PMS2: variants seen among roughly 807,000 people sequenced by gnomAD.
PMS2 encodes the protein PMS1 homolog 2, mismatch repair system component, also known as mismatch repair endonuclease PMS2.
In PMS2, 69 loss-of-function variants were observed where a neutral mutation model predicts 90.0. The observed-to-expected ratio is 0.77, with a 90% CI of 0.63 to 0.94. The LOEUF (loss-of-function observed/expected upper bound fraction) is 0.94. Among genes scored for constraint, PMS2 ranks in the 40% least tolerant of loss-of-function variants. PMS2 has a pLI of 0.00. For missense variants in PMS2, 966 were observed against 1,040.2 expected, an observed-to-expected ratio of 0.93 and a Z score of 0.98; for synonymous variants, 332 against 375.1, an observed-to-expected ratio of 0.89 and a Z score of 1.33.
chr7:5,986,718 T>C lies in PMS2; in HGVS notation c.2006+41A>G, dbSNP rs761763586. The C allele has an allele frequency of 2.8e-6, 4 of 1,424,334 alleles. 1 individual carries two copies. In the South Asian group the frequency reaches 5.4e-5, roughly 19 times the overall value. The allele number at this position is 1,424,334 out of a possible 1,614,324, so 88.2% of individuals were successfully genotyped here. ...AAAAAATAAAAAATAAAAATAAAAA[T>C]TTTAGATAAAAAGAGAAAAAGTAAA... On this transcript the variant is annotated intron_variant, in intron 11 of 14. Coordinates refer to ENST00000265849, the MANE Select transcript of PMS2 (RefSeq NM_000535.7).
intron 8 of PMS2, among the ~76,000 whole-genome samples, chr7:5,994,950 A>G (rs1409444162): frequency 6.6e-6 from 1 of 152,150 alleles, no homozygotes; most frequent in Non-Finnish European, 1.5e-5. Context: ...TGAATACTAT[A>G]CCGAAAAACA....
At chr7:6,002,746 C>T (rs1369648413) in intron 4 of PMS2, 110 bp from the exon 5 acceptor site, 10 of 863,220 alleles carry the variant, frequency 1.2e-5, no homozygotes, top group East Asian at 9.6e-5. Context: ...AAAAAGCTGA[C>T]GATCCCTCTG....
chr7:5,984,032 G>T (rs1782590093), intron 11 of PMS2, among the ~76,000 whole-genome samples: 1 of 151,812 alleles, frequency 6.6e-6, no homozygotes, highest in Non-Finnish European at 1.5e-5. Flanking sequence ...CCTACTAAAG[G>T]ACATTTCAGT....
Position 5,999,196 on chromosome 7 carries a change from A to C in PMS2, c.617T>G (p.Leu206Arg). Residue 206 changes from leucine (L) to arginine (R), a missense_variant, in exon 6 of 15, where the codon CTT becomes CGT. Leu to Arg is a moderately radical substitution (Grantham distance 102, BLOSUM62 -2). Around this residue, in one of 2 missense-constraint regions of PMS2, gnomAD observed 871 missense variants for 802.4 expected, o/e 1.09. Coordinates refer to ENST00000265849, the MANE Select transcript of PMS2 (RefSeq NM_000535.7). ...AGIRVSCTNQ[L>R]GQGKRQPVVC... The stretch of plus-strand genomic sequence containing the variant: ...CACAGGCTGTCGTTTTCCTTGTCCA[A>C]GCTGATTGGTGCAACTTACACGGAT... 1 of 1,614,094 alleles carries C rather than the reference A, an allele frequency of 6.2e-7. No individual in the cohort carries two copies. The highest frequency in any genetic ancestry group is 2.2e-5 in the East Asian group (1 of 44,880).
intron 8 of PMS2, among the ~76,000 whole-genome samples, chr7:5,995,149 T>C (rs1784237897): frequency 6.6e-6 from 1 of 152,156 alleles, no homozygotes; most frequent in Non-Finnish European, 1.5e-5. Flanking sequence ...GTGATCCTCC[T>C]GCCTCAGCCT....
chr7:5,991,710 G>A (rs534517193), intron 9 of PMS2, among the ~76,000 whole-genome samples: 18 of 151,902 alleles, frequency 1.2e-4, no homozygotes, highest in South Asian at 6.2e-4. Flanking sequence ...GTGGTGGCAC[G>A]CACCTGTAGT....
At chr7:5,997,171 A>AC (rs1784498005) in intron 7 of PMS2, among the ~76,000 whole-genome samples, 155 bp downstream of exon 7, 2 of 150,772 alleles carry the variant, frequency 1.3e-5, no homozygotes, top group Admixed American at 1.3e-4. Flanking sequence ...CCAAGATAGC[A>AC]CCATTGCACT....
chr7:5,976,966 G>C (rs1188749917), intron 14 of PMS2, among the ~76,000 whole-genome samples: 2 of 125,174 alleles, frequency 1.6e-5, no homozygotes, highest in Non-Finnish European at 3.6e-5. Context: ...GGTACGTCAA[G>C]GCTGCAGTGA....
At chr7:5,987,950 G>C (rs1339630956) in intron 10 of PMS2, among the ~76,000 whole-genome samples, 3 of 150,876 alleles carry the variant, frequency 2.0e-5, no homozygotes. Context: ...CTACTTGGGA[G>C]GCTGAGGCAC....
chr7:5,999,065 C>T (rs1784776859), intron 6 of PMS2, 43 bp downstream of exon 6: 1 of 1,562,484 alleles, frequency 6.4e-7, no homozygotes, highest in South Asian at 1.1e-5. Flanking sequence ...CCGCTATAAT[C>T]ACTAGAGCAA....
At chr7:6,004,459 T>C in intron 2 of PMS2, 1 of 180,666 alleles carries the variant, frequency 5.5e-6, no homozygotes, top group Non-Finnish European at 1.2e-5. Context: ...TTCATGCCTG[T>C]AATTCCAGCA....
intron 11 of PMS2, among the ~76,000 whole-genome samples, chr7:5,985,492 T>C (rs1268198067): frequency 3.3e-5 from 5 of 151,632 alleles, no homozygotes; most frequent in African/African-American, 1.2e-4. Flanking sequence ...GAATGGAAAA[T>C]GCTACTATCC....
chr7:6,008,818 G>A (rs1013865431), intron 1 of PMS2, among the ~76,000 whole-genome samples, 179 bp downstream of exon 1: 1 of 152,168 alleles, frequency 6.6e-6, no homozygotes, highest in African/African-American at 2.4e-5. Flanking sequence ...TCGGCCTCAA[G>A]GCGCACCCAA....
rs1562644325 is a variant in PMS2, at chr7:5,989,863, C to T, written c.1081G>A (p.Gly361Arg). Residue 361 changes from glycine to arginine, a missense_variant, in exon 10 of 15, where the codon GGA (glycine) becomes AGA (arginine). Around this residue, in one of 2 missense-constraint regions of PMS2, gnomAD observed 871 missense variants for 802.4 expected, o/e 1.09. Transcript: ENST00000265849. ...TTGTTGACATCACTATCAAACATTC[C>T]TATCAAAGAGGTCTTTAAAACTGCC... is the stretch of plus-strand genomic sequence containing the variant. ...LLAVLKTSLIGMFDSDVNKLN... is the reference protein window; with the variant it reads ...LLAVLKTSLIRMFDSDVNKLN... The T allele has an allele frequency of 1.2e-6, 2 of 1,612,684 alleles. No individual in the cohort carries two copies. Among genetic ancestry groups the T allele is most frequent in the South Asian group, 1.1e-5 (1 of 90,916 alleles).
intron 11 of PMS2, 93 bp downstream of exon 11, chr7:5,986,666 T>G: frequency 9.9e-7 from 1 of 1,007,578 alleles, no homozygotes; most frequent in Non-Finnish European, 1.4e-6. Context: ...CATTCCAGCC[T>G]GCGCAACAGA....
intron 4 of PMS2, 127 bp from the exon 5 acceptor site, chr7:6,002,763 TC>T (rs1785248396): frequency 1.2e-6 from 1 of 800,740 alleles, no homozygotes; most frequent in African/African-American, 1.7e-5. Flanking sequence ...TCTGAGATAA[TC>T]AAGATCTAAA....
At chr7:5,988,522 C>T (rs1783338137) in intron 10 of PMS2, among the ~76,000 whole-genome samples, 1 of 152,174 alleles carries the variant, frequency 6.6e-6, no homozygotes, top group Non-Finnish European at 1.5e-5. Context: ...AAGATCACTC[C>T]ACTGCACTCC....
At chr7:6,004,715 C>CAA (rs71008347) in intron 2 of PMS2, among the ~76,000 whole-genome samples, 15,024 of 96,298 alleles carry the variant, frequency 0.16, 937 homozygotes, top group Middle Eastern at 0.23. Flanking sequence ...AACTCTATCT[C>CAA]AAAAAAAAAA....
intron 5 of PMS2, among the ~76,000 whole-genome samples, chr7:5,999,789 C>G (rs981960879): frequency 6.6e-6 from 1 of 152,018 alleles, no homozygotes; most frequent in East Asian, 1.9e-4. Context: ...GAGTGAGGCC[C>G]TATCTCTAAA....
Sources: gnomAD v4.1 joint callset for allele counts (sites outside exome capture counted in the v4.1 genomes callset) on GRCh38, gnomAD v4.1.1 for gene constraint, gnomAD v4.1.1 regional missense constraint, MANE v1.5 for transcripts, NCBI Gene and HGNC (gene_info 2026-07-23, HGNC 2026-07-21) for gene names.